The following FSTL4 variants were observed in gnomAD, a reference collection of about 807,000 sequenced individuals.
The protein encoded by FSTL4 is follistatin-related protein 4.
In FSTL4, 28 loss-of-function variants were observed where a neutral mutation model predicts 78.2. That is an observed-to-expected ratio of 0.36 (90% CI 0.27 to 0.49). FSTL4 has a LOEUF of 0.49. Among genes scored for constraint, FSTL4 ranks in the 20% least tolerant of loss-of-function variants. The pLI is 0.98. For missense variants in FSTL4, 922 were observed against 1,084.9 expected (o/e 0.85, Z 2.11); for synonymous variants, 422 against 440.5 (o/e 0.96, Z 0.53).
chr5:133,509,834 C>T (rs891738981), intron 3 of FSTL4, among the ~76,000 whole-genome samples: 6 of 152,274 alleles, frequency 3.9e-5, no homozygotes, highest in African/African-American at 1.2e-4. Flanking sequence ...GTCTCTCCTG[C>T]TGCCCTGGGC....
At chr5:133,527,229 T>C (rs1759149381) in intron 3 of FSTL4, among the ~76,000 whole-genome samples, 1 of 152,184 alleles carries the variant, frequency 6.6e-6, no homozygotes, top group African/African-American at 2.4e-5. Context: ...TCCACTTCTC[T>C]GCAAATTGAG....
At chr5:133,335,382 C>T (rs1477194662) in intron 4 of FSTL4, among the ~76,000 whole-genome samples, 3 of 152,088 alleles carry the variant, frequency 2.0e-5, no homozygotes, top group Non-Finnish European at 2.9e-5. Flanking sequence ...GGCTGGGACT[C>T]GACCTTCACG....
chr5:133,574,790 T>C (rs898746312), intron 2 of FSTL4: 3 of 152,182 alleles, frequency 2.0e-5, no homozygotes, highest in African/African-American at 7.2e-5. Flanking sequence ...CTGAATCTCA[T>C]TGTCATAGCG....
chr5:133,654,839 G>A, the FSTL4 span, among the ~76,000 whole-genome samples: 1 of 152,150 alleles, frequency 6.6e-6, no homozygotes, highest in African/African-American at 2.4e-5. Context: ...AAAGCCTCAG[G>A]GCTGCCCTGG....
the FSTL4 span, among the ~76,000 whole-genome samples, chr5:133,692,246 G>A: frequency 6.6e-6 from 1 of 152,204 alleles, no homozygotes; most frequent in African/African-American, 2.4e-5. Context: ...GACAGCATGA[G>A]TAGGGCACAT....
the FSTL4 span, among the ~76,000 whole-genome samples, chr5:133,632,773 C>T: frequency 2.9e-4 from 44 of 150,850 alleles, no homozygotes; most frequent in African/African-American, 1.0e-3. Context: ...GCAGTCTCAA[C>T]CTCCTGGGGC....
At chr5:133,480,139 G>A (rs1757999796) in intron 3 of FSTL4, among the ~76,000 whole-genome samples, 1 of 152,178 alleles carries the variant, frequency 6.6e-6, no homozygotes, top group South Asian at 2.1e-4. Flanking sequence ...TACCACCCCC[G>A]CATGCAGTAG....
chr5:133,308,501 G>A (rs772228894), intron 6 of FSTL4, among the ~76,000 whole-genome samples: 4 of 152,152 alleles, frequency 2.6e-5, no homozygotes, highest in Non-Finnish European at 5.9e-5. Context: ...GGATGCTTGC[G>A]GTTGCTTATT....
intron 6 of FSTL4, among the ~76,000 whole-genome samples, chr5:133,249,917 G>A (rs1752167721): frequency 6.6e-6 from 1 of 152,242 alleles, no homozygotes; most frequent in African/African-American, 2.4e-5. Flanking sequence ...GGGGGCAGGG[G>A]TGCAGCGCCC....
At chr5:133,409,267 C>T (rs980559810) in intron 3 of FSTL4, among the ~76,000 whole-genome samples, 10 of 152,138 alleles carry the variant, frequency 6.6e-5, no homozygotes, top group African/African-American at 2.4e-4. Flanking sequence ...GGGCCGCTGG[C>T]CTGCCAGAGG....
chr5:133,200,100 C>G (rs1750274048), intron 15 of FSTL4, among the ~76,000 whole-genome samples: 1 of 152,216 alleles, frequency 6.6e-6, no homozygotes, highest in African/African-American at 2.4e-5. Context: ...ATTTATAATA[C>G]TTATGAACTG....
At chr5:133,566,281 T>C (rs1021553358) in intron 3 of FSTL4, among the ~76,000 whole-genome samples, 13 of 152,230 alleles carry the variant, frequency 8.5e-5, no homozygotes, top group African/African-American at 2.9e-4. Context: ...GTTGATAACA[T>C]AGCCATTCTA....
intron 6 of FSTL4, among the ~76,000 whole-genome samples, chr5:133,283,535 A>G (rs900246676): frequency 6.6e-6 from 1 of 152,146 alleles, no homozygotes; most frequent in African/African-American, 2.4e-5. Flanking sequence ...TGCCAGACAC[A>G]TGGTGGCATT....
intron 3 of FSTL4, among the ~76,000 whole-genome samples, chr5:133,494,450 A>T (rs1318039439): frequency 1.3e-5 from 2 of 152,154 alleles, no homozygotes; most frequent in Non-Finnish European, 2.9e-5. Context: ...GAGCTCACTG[A>T]ATCACTGGTG....
At chr5:133,791,354 C>T in the FSTL4 span, among the ~76,000 whole-genome samples, 1 of 152,112 alleles carries the variant, frequency 6.6e-6, no homozygotes, top group Non-Finnish European at 1.5e-5. Context: ...TTGCACTTAC[C>T]TCTTCCTAAC....
intron 7 of FSTL4, among the ~76,000 whole-genome samples, chr5:133,234,597 A>G (rs1470445546): frequency 1.3e-5 from 2 of 152,184 alleles, no homozygotes; most frequent in African/African-American, 2.4e-5. Context: ...TGGCTACCAA[A>G]CATTTCCCAG....
At chr5:133,750,869 T>C in the FSTL4 span, among the ~76,000 whole-genome samples, 1 of 152,034 alleles carries the variant, frequency 6.6e-6, no homozygotes, top group East Asian at 1.9e-4. Context: ...TGACCACTGA[T>C]CTATGCTGAC....
chr5:133,492,337 A>T (rs1013648703), intron 3 of FSTL4, among the ~76,000 whole-genome samples: 2 of 152,106 alleles, frequency 1.3e-5, no homozygotes, highest in African/African-American at 4.8e-5. Flanking sequence ...ACTAGCAATT[A>T]TTGTATTACA....
chr5:133,225,321 C>G lies in FSTL4; in HGVS notation c.1178-37G>C, dbSNP rs749749646. On this transcript the variant is annotated intron_variant, in intron 9 of 15. Transcript: ENST00000265342. This position sits in a 1 kb window ranked among gnomAD's most constrained non-coding sequence, Gnocchi z 4.6. ...ACAGTGCTCAGGGTGGACTGCTCAG[C>G]TGGAGACCCACTCACTTTCCTTTAT... The G allele has an allele frequency of 1.2e-5, 19 of 1,613,148 alleles. No individual in the cohort carries two copies. The highest frequency in any genetic ancestry group is 1.6e-5 in the Non-Finnish European group (19 of 1,179,446).
Sources: allele counts gnomAD v4.1 joint callset (sites outside exome capture counted in the v4.1 genomes callset), GRCh38; gene constraint gnomAD v4.1.1; non-coding constraint Gnocchi (gnomAD v3.1); transcripts MANE v1.5; gene names NCBI Gene and HGNC (gene_info 2026-07-23, HGNC 2026-07-21).